Variants in MTFR1L observed in about 807,000 individuals in gnomAD.
MTFR1L encodes the protein mitochondrial fission regulator 1-like.
In MTFR1L, 10 loss-of-function variants were observed where a neutral mutation model predicts 27.9. The observed-to-expected ratio is 0.36, with a 90% CI of 0.22 to 0.61. MTFR1L has a LOEUF of 0.61. Ranked by LOEUF, MTFR1L falls within the 20% of genes least tolerant of loss-of-function variation. The pLI is 0.73. For synonymous variants in MTFR1L, 151 were observed against 139.4 expected, an observed-to-expected ratio of 1.08 and a Z score of -0.58; for missense variants, 315 against 363.7, an observed-to-expected ratio of 0.87 and a Z score of 1.09.
At position 25,822,978 on chromosome 1, in the gene MTFR1L, G is replaced by A. The variant is rs766272979; in HGVS notation, c.-86-41G>A. The A allele has an allele frequency of 5.8e-6, 9 of 1,543,680 alleles. 1 individual carries two copies. In the South Asian group the frequency reaches 6.7e-5, roughly 11 times the overall value. ...GTGGTGACCATTAAATCCCCACTGT[G>A]GGGGGTTGTTTCACAAGAGGGAAAT... On this transcript the variant is annotated intron_variant, in intron 1 of 6. Transcript: ENST00000374303.
At chr1:25,823,519 C>G in intron 2 of MTFR1L, 125 bp from the exon 3 acceptor site, 1 of 1,437,256 alleles carries the variant, frequency 7.0e-7, no homozygotes, top group South Asian at 1.2e-5. Flanking sequence ...GTTGACTTGC[C>G]CCTAGAGAGT....
intron 1 of MTFR1L, chr1:25,821,737 T>C (rs556108421): frequency 1.3e-5 from 2 of 152,522 alleles, no homozygotes; most frequent in East Asian, 3.9e-4. Flanking sequence ...GGACCTGTGC[T>C]CTTGCTGTTT....
intron 1 of MTFR1L, chr1:25,820,376 G>T (rs907786855): frequency 5.9e-5 from 27 of 454,468 alleles, no homozygotes; most frequent in Non-Finnish European, 1.1e-4. Context: ...TCCAAGGGCC[G>T]CTGGGCAGGC....
rs1288355841 is a variant in MTFR1L, at chr1:25,829,727, T to C, written c.670T>C (p.Ser224Pro). 1 of 1,613,878 alleles carries C rather than the reference T, an allele frequency of 6.2e-7. No individual in the cohort carries two copies. The highest frequency in any genetic ancestry group is 2.2e-5 in the East Asian group (1 of 44,900). Residue 224 changes from serine to proline, a missense_variant, in exon 6 of 7, where the codon TCG (serine) becomes CCG (proline). Physicochemically the swap from Ser to Pro is moderately conservative, Grantham distance 74 (BLOSUM62 -1). Coordinates refer to ENST00000374303, the MANE Select transcript of MTFR1L (RefSeq NM_001099625.2). ...CKPEHKAACS[S>P]SEEDDCVSLS... ...ACCAGAACACAAAGCTGCCTGCAGTTCGTCTGAAGAGGATGACTGCGTCTC... is the reference window on the plus strand; with the variant it reads ...ACCAGAACACAAAGCTGCCTGCAGTCCGTCTGAAGAGGATGACTGCGTCTC...
At position 25,826,443 on chromosome 1, in the gene MTFR1L, A is replaced by G. The variant is rs2048169328; in HGVS notation, c.239+32A>G. ...GAGGCAGTAGCTGGTCTGCTAAGGA[A>G]TGGAGAACTTCCCAGAAGAGGTGGC... is the stretch of plus-strand genomic sequence containing the variant. On this transcript the variant is annotated intron_variant, in intron 4 of 6. Coordinates refer to ENST00000374303, the MANE Select transcript of MTFR1L (RefSeq NM_001099625.2). This position sits in a 1 kb window ranked among gnomAD's most constrained non-coding sequence, Gnocchi z 4.1. 6.2e-7 allele frequency: 1 copy of G among 1,610,130 alleles called. No individual in the cohort carries two copies. The highest frequency in any genetic ancestry group is 1.1e-5 in the South Asian group (1 of 91,006).
chr1:25,832,418 CT>C lies in MTFR1L; in HGVS notation c.*394del. ...TGCCCAGCTGTCACTCACTCAGCAG[CT>C]TCCTTGCAGCAGAGCAGGGCTGAGG... On this transcript the variant is annotated 3_prime_UTR_variant, in exon 7 of 7. Coordinates refer to ENST00000374303, the MANE Select transcript of MTFR1L (RefSeq NM_001099625.2). The C allele has an allele frequency of 2.0e-6, 1 of 500,022 alleles. No homozygotes were observed. Among genetic ancestry groups the C allele is most frequent in the East Asian group, 3.6e-5 (1 of 28,164 alleles). The allele number at this position is 500,022 out of a possible 1,614,324, so 31.0% of individuals were successfully genotyped here.
At chr1:25,820,257 G>A in intron 1 of MTFR1L, 1 of 455,882 alleles carries the variant, frequency 2.2e-6, no homozygotes, top group Non-Finnish European at 4.4e-6. Context: ...CAGACCTCAG[G>A]CTTCTAGTTT....
At chr1:25,828,311 T>G (rs868116408) in intron 5 of MTFR1L, among the ~76,000 whole-genome samples, 1 of 152,366 alleles carries the variant, frequency 6.6e-6, no homozygotes, top group African/African-American at 2.4e-5. Context: ...GGTCGGGCAC[T>G]GTGGCTTACG....
chr1:25,829,701 A>G lies in MTFR1L; in HGVS notation c.644A>G (p.Lys215Arg), dbSNP rs760376433. The change falls in exon 6 of 7, where the codon AAA (lysine) becomes AGA (arginine). Residue 215 changes from lysine to arginine, a missense_variant. Coordinates refer to ENST00000374303, the MANE Select transcript of MTFR1L (RefSeq NM_001099625.2). ...LLCSASPECC[K>R]PEHKAACSSS... ...TGTTCTGCCAGCCCTGAATGTTGCA[A>G]ACCAGAACACAAAGCTGCCTGCAGT... The G allele has an allele frequency of 6.8e-6, 11 of 1,614,004 alleles. No individual in the cohort carries two copies. The highest frequency in any genetic ancestry group is 1.7e-5 in the Admixed American group (1 of 60,000).
rs1000340608 is a variant in MTFR1L at position 25,826,522 on chromosome 1, T to C, written c.240-93T>C. 1.9e-6 allele frequency: 3 copies of C among 1,574,354 alleles called. No homozygotes were observed. In the African/African-American group the frequency reaches 4.1e-5, roughly 21 times the overall value. ...GTGGGCTCAGAGAGGAGCAGAACCTTACTATACTACTCTCACAGAAGTGGG... is the reference window on the plus strand; with the variant it reads ...GTGGGCTCAGAGAGGAGCAGAACCTCACTATACTACTCTCACAGAAGTGGG... On this transcript the variant is annotated intron_variant, in intron 4 of 6. Transcript: ENST00000374303. This position sits in a 1 kb window ranked among gnomAD's most constrained non-coding sequence, Gnocchi z 4.1.
intron 6 of MTFR1L, among the ~76,000 whole-genome samples, chr1:25,830,236 A>G (rs1310762024): frequency 6.6e-6 from 1 of 152,036 alleles, no homozygotes; most frequent in Non-Finnish European, 1.5e-5. Flanking sequence ...GTGGGAGGAG[A>G]ATTTCATAAA....
chr1:25,829,473 C>T (rs753239367), intron 5 of MTFR1L, 36 bp from the exon 6 acceptor site: 13 of 1,576,368 alleles, frequency 8.2e-6, no homozygotes, highest in Non-Finnish European at 1.1e-5. Flanking sequence ...TGTTCTAGCC[C>T]CAATGTCCAC....
chr1:25,826,398 T>A lies in MTFR1L; in HGVS notation c.226T>A (p.Tyr76Asn), dbSNP rs764640732. ...AWIAADEEET[Y>N]ARVRSDTRPL... ...GATTGCTGCGGATGAAGAGGAGACA[T>A]ATGCCCGGGTCAGGTAGTTGAGGCA... is the stretch of plus-strand genomic sequence containing the variant. Residue 76 changes from tyrosine (Y) to asparagine (N), a missense_variant, in exon 4 of 7, where the codon TAT becomes AAT. By Grantham distance (143) the Tyr-to-Asn change is moderately radical. Transcript: ENST00000374303. The surrounding 1 kb of genome is among the most constrained non-coding windows in gnomAD (Gnocchi z 4.1). The A allele has an allele frequency of 6.2e-7, 1 of 1,614,080 alleles. No homozygotes were observed. Among genetic ancestry groups the A allele is most frequent in the South Asian group, 1.1e-5 (1 of 91,068 alleles).
At chr1:25,822,026 C>T (rs961036741) in intron 1 of MTFR1L, 3 of 152,232 alleles carry the variant, frequency 2.0e-5, no homozygotes, top group African/African-American at 7.2e-5. Flanking sequence ...GCTCACCATG[C>T]AAGGACTGCT....
At chr1:25,831,840 A>C (rs2124487410) in intron 6 of MTFR1L, 81 bp from the exon 7 acceptor site, 2 of 1,136,454 alleles carry the variant, frequency 1.8e-6, no homozygotes, top group Non-Finnish European at 2.7e-6. Flanking sequence ...TGTTGTGAGG[A>C]TTCAACGAGA....
intron 5 of MTFR1L, among the ~76,000 whole-genome samples, chr1:25,827,336 A>G (rs35058073): frequency 3.5e-4 from 53 of 151,618 alleles, no homozygotes; most frequent in Non-Finnish European, 6.6e-4. Context: ...GAGTTCCACC[A>G]TGTTGGCCAG....
chr1:25,823,320 C>T, intron 2 of MTFR1L, 192 bp downstream of exon 2: 1 of 732,076 alleles, frequency 1.4e-6, no homozygotes, highest in Non-Finnish European at 2.5e-6. Flanking sequence ...CTTCAGGAGT[C>T]AGTGTATGTC....
chr1:25,825,443 G>GT (rs1222038315), intron 3 of MTFR1L, among the ~76,000 whole-genome samples: 24 of 152,028 alleles, frequency 1.6e-4, no homozygotes, highest in South Asian at 4.1e-4. Context: ...CTAGATGGAT[G>GT]TTTTTTACTT....
At chr1:25,828,355 G>A (rs1364985486) in intron 5 of MTFR1L, among the ~76,000 whole-genome samples, 2 of 152,186 alleles carry the variant, frequency 1.3e-5, no homozygotes, top group African/African-American at 4.8e-5. Context: ...GGCTGAGGTG[G>A]GTGGATCACC....
Sources: allele counts gnomAD v4.1 joint callset (sites outside exome capture counted in the v4.1 genomes callset), GRCh38; gene constraint gnomAD v4.1.1; non-coding constraint Gnocchi (gnomAD v3.1); transcripts MANE v1.5; gene names NCBI Gene and HGNC (gene_info 2026-07-23, HGNC 2026-07-21).